The following CPEB3 variants were observed in gnomAD, a reference collection of about 807,000 sequenced individuals.
CPEB3 encodes the protein cytoplasmic polyadenylation element binding protein 3.
A neutral mutation model predicts 67.2 loss-of-function variants in CPEB3; 20 were observed. The ratio of observed to expected loss-of-function variants is 0.30; its 90% CI spans 0.21 to 0.43. The LOEUF is 0.43. CPEB3 is among the 20% of genes least tolerant of loss of function. The pLI, the probability that CPEB3 is intolerant of heterozygous loss-of-function variation, is 1.00. For synonymous variants in CPEB3, 376 were observed against 393.1 expected, an observed-to-expected ratio of 0.96 and a Z score of 0.51; for missense variants, 746 against 968.6, an observed-to-expected ratio of 0.77 and a Z score of 3.05.
intron 9 of CPEB3, among the ~76,000 whole-genome samples, chr10:92,071,770 C>T (rs972963047): frequency 7.9e-5 from 12 of 151,834 alleles, no homozygotes; most frequent in Non-Finnish European, 1.5e-4. Context: ...CATGACCACA[C>T]AGAGTAGACA....
At chr10:92,216,530 G>A in intron 2 of CPEB3, 2 of 1,612,784 alleles carry the variant, frequency 1.2e-6, no homozygotes, top group Non-Finnish European at 8.5e-7. Flanking sequence ...GGTGAAAGAG[G>A]TTCAGAAATT....
chr10:92,258,987 C>T (rs1355824141), intron 1 of CPEB3, among the ~76,000 whole-genome samples: 1 of 150,514 alleles, frequency 6.6e-6, no homozygotes, highest in East Asian at 2.0e-4. Context: ...TTCTTTGAGA[C>T]AGTCTCACTC....
At chr10:92,250,782 C>T (rs551875740) in intron 1 of CPEB3, among the ~76,000 whole-genome samples, 1 of 152,024 alleles carries the variant, frequency 6.6e-6, no homozygotes, top group South Asian at 2.1e-4. Flanking sequence ...CTCCACCTCC[C>T]AGGTTCAAGC....
chr10:92,116,066 T>G (rs1845008561), intron 6 of CPEB3, among the ~76,000 whole-genome samples: 1 of 151,090 alleles, frequency 6.6e-6, no homozygotes, highest in Admixed American at 6.6e-5. Context: ...CAAAGGAAAT[T>G]CAAACTTAGG....
chr10:92,216,137 AATAT>A (rs1162966427), intron 2 of CPEB3, among the ~76,000 whole-genome samples: 1 of 150,718 alleles, frequency 6.6e-6, no homozygotes, highest in Non-Finnish European at 1.5e-5. Context: ...AAATCATTTA[AATAT>A]ATATATATTT....
intron 9 of CPEB3, among the ~76,000 whole-genome samples, chr10:92,069,986 C>T (rs868516377): frequency 1.6e-4 from 24 of 152,050 alleles, no homozygotes; most frequent in African/African-American, 4.6e-4. Context: ...TTGCCCTGTC[C>T]GAAACCCTCT....
intron 4 of CPEB3, among the ~76,000 whole-genome samples, chr10:92,160,245 G>GA (rs1268906247): frequency 1.3e-5 from 2 of 151,904 alleles, no homozygotes; most frequent in African/African-American, 4.8e-5. Flanking sequence ...GCGCCCAGCT[G>GA]AAAAAAATCT....
chr10:92,231,158 T>C (rs867457143), intron 2 of CPEB3, among the ~76,000 whole-genome samples: 16 of 152,304 alleles, frequency 1.1e-4, no homozygotes, highest in African/African-American at 3.1e-4. Context: ...TAGTGTGACA[T>C]GTCTATATAT....
At chr10:92,173,647 AG>A (rs1848103804) in intron 4 of CPEB3, among the ~76,000 whole-genome samples, 1 of 152,188 alleles carries the variant, frequency 6.6e-6, no homozygotes, top group Non-Finnish European at 1.5e-5. Context: ...AGGAGGCAAG[AG>A]GCTCTGCTCC....
intron 2 of CPEB3, among the ~76,000 whole-genome samples, chr10:92,237,438 T>A (rs752315009): frequency 6.6e-6 from 1 of 152,226 alleles, no homozygotes; most frequent in Non-Finnish European, 1.5e-5. Flanking sequence ...ATTAGCATCA[T>A]TGGTGAATGG....
At chr10:92,107,778 T>C (rs1844544138) in intron 7 of CPEB3, among the ~76,000 whole-genome samples, 1 of 152,184 alleles carries the variant, frequency 6.6e-6, no homozygotes, top group South Asian at 2.1e-4. Flanking sequence ...CCAATTTGTC[T>C]TCCCATTCTT....
At chr10:92,086,842 G>A (rs1843395426) in intron 8 of CPEB3, among the ~76,000 whole-genome samples, 1 of 152,196 alleles carries the variant, frequency 6.6e-6, no homozygotes, top group African/African-American at 2.4e-5. Flanking sequence ...AGCTTTGGAT[G>A]AGGGTTTGCT....
At chr10:92,186,729 C>T (rs1025206546) in intron 3 of CPEB3, among the ~76,000 whole-genome samples, 1 of 152,156 alleles carries the variant, frequency 6.6e-6, no homozygotes, top group Non-Finnish European at 1.5e-5. Context: ...GCCACCATGC[C>T]TGGCCGCTAA....
intron 7 of CPEB3, among the ~76,000 whole-genome samples, chr10:92,106,586 G>A (rs1488686355): frequency 5.9e-5 from 9 of 152,074 alleles, no homozygotes; most frequent in African/African-American, 1.7e-4. Flanking sequence ...AGTCCAAGGC[G>A]GGTGGATCAC....
chr10:92,115,629 G>C (rs1482069300), intron 6 of CPEB3, among the ~76,000 whole-genome samples: 1 of 152,058 alleles, frequency 6.6e-6, no homozygotes. Flanking sequence ...CATTATTCCT[G>C]TTTCTTTGAG....
intron 9 of CPEB3, among the ~76,000 whole-genome samples, chr10:92,056,537 C>T (rs1401659714): frequency 6.6e-6 from 1 of 152,150 alleles, no homozygotes; most frequent in Admixed American, 6.5e-5. Context: ...CACATTTAAA[C>T]CAGCCCAAGC....
intron 6 of CPEB3, among the ~76,000 whole-genome samples, chr10:92,135,646 T>C (rs1304252414): frequency 6.6e-6 from 1 of 152,126 alleles, no homozygotes; most frequent in Admixed American, 6.6e-5. Context: ...TTTGACCCAG[T>C]GATCCCATTA....
intron 7 of CPEB3, among the ~76,000 whole-genome samples, chr10:92,104,789 CA>C (rs570449997): frequency 3.4e-5 from 5 of 146,456 alleles, no homozygotes; most frequent in Non-Finnish European, 6.0e-5. Flanking sequence ...ACACCCAGGG[CA>C]AAAAAAAAAT....
intron 5 of CPEB3, 83 bp downstream of exon 5, chr10:92,144,862 G>A: frequency 7.8e-7 from 1 of 1,278,192 alleles, no homozygotes; most frequent in Non-Finnish European, 1.1e-6. Context: ...ATGTCCTAAA[G>A]TTGACTTGGA....
Sources: allele counts gnomAD v4.1 joint callset (sites outside exome capture counted in the v4.1 genomes callset), GRCh38; gene constraint gnomAD v4.1.1; transcripts MANE v1.5; gene names NCBI Gene and HGNC (gene_info 2026-07-23, HGNC 2026-07-21).